CAST: variants seen among roughly 807,000 people sequenced by gnomAD.
CAST encodes calpastatin.
CAST carries 76 observed loss-of-function variants against 119.6 expected under a neutral mutation model. The observed-to-expected ratio is 0.64, with a 90% confidence interval of 0.53 to 0.77. CAST has a LOEUF of 0.77. CAST is among the 30% of genes least tolerant of loss of function. The probability of loss-of-function intolerance (pLI) is 0.00; values close to 1 mark genes in which losing one functional copy is unlikely to be tolerated. For synonymous variants in CAST, 319 were observed against 331.6 expected (o/e 0.96, Z 0.41); for missense variants, 953 against 946.5 (o/e 1.01, Z -0.09).
At position 96,746,398 on chromosome 5, in the gene CAST, A is replaced by G. The variant is rs746007523; in HGVS notation, c.1257A>G (p.Pro419=). The change falls in exon 17 of 32, where the codon CCA becomes CCG. Residue 419 remains proline, a synonymous_variant. Transcript: ENST00000675179. ...GTGGTGAGGATGATGAAACAATCCC[A>G]TCTGAGTACAGATTAAAACCAGCCA... The part of the protein sequence containing the change: ...EKCGEDDETI[P]SEYRLKPATD... 3 of 1,610,398 alleles carry G rather than the reference A, an allele frequency of 1.9e-6. No homozygotes were observed. Among genetic ancestry groups the G allele is most frequent in the South Asian group, 1.1e-5 (1 of 91,030 alleles).
chr5:96,755,879 T>A (rs563469315), intron 22 of CAST, among the ~76,000 whole-genome samples: 1 of 152,230 alleles, frequency 6.6e-6, no homozygotes, highest in East Asian at 1.9e-4. Context: ...AAGGGCCACA[T>A]GTTCTGTCTC....
the CAST span, among the ~76,000 whole-genome samples, chr5:96,008,710 T>C: frequency 2.6e-5 from 4 of 152,180 alleles, no homozygotes; most frequent in East Asian, 1.9e-4. Flanking sequence ...CAATGAGAGA[T>C]TGGACCAAAT....
intron 1 of CAST, among the ~76,000 whole-genome samples, chr5:96,644,956 A>G (rs1747997286): frequency 6.6e-6 from 1 of 152,242 alleles, no homozygotes; most frequent in Admixed American, 6.5e-5. Context: ...AGCCTGGGTG[A>G]CAGAGTGAGA....
chr5:96,246,948 A>C, the CAST span, among the ~76,000 whole-genome samples: 2 of 152,262 alleles, frequency 1.3e-5, no homozygotes, highest in Non-Finnish European at 2.9e-5. Context: ...CATAGCAAGC[A>C]TTAAACATTT....
the CAST span, among the ~76,000 whole-genome samples, chr5:96,033,681 C>T: frequency 2.6e-5 from 4 of 152,056 alleles, no homozygotes; most frequent in Non-Finnish European, 5.9e-5. Flanking sequence ...CATAAGACCT[C>T]AAACTATGAA....
the CAST span, among the ~76,000 whole-genome samples, chr5:96,446,810 TG>T: frequency 5.3e-5 from 8 of 152,166 alleles, no homozygotes; most frequent in East Asian, 1.9e-4. Context: ...AAATGTTGCC[TG>T]GGCTAGAAAA....
chr5:96,247,560 T>C, the CAST span, among the ~76,000 whole-genome samples: 1 of 152,232 alleles, frequency 6.6e-6, no homozygotes, highest in Non-Finnish European at 1.5e-5. Flanking sequence ...ACTGCCCAGC[T>C]GGAATGGGGA....
chr5:96,529,821 G>A (rs1745658944), exon 1 of CAST: 1 of 439,230 alleles, frequency 2.3e-6, no homozygotes, highest in Admixed American at 2.4e-5. Flanking sequence ...GCCACCCTGT[G>A]GAGAGGTGCC....
chr5:96,363,736 C>A, the CAST span, among the ~76,000 whole-genome samples: 6 of 152,220 alleles, frequency 3.9e-5, no homozygotes, highest in African/African-American at 1.4e-4. Flanking sequence ...AGGTTTTGGG[C>A]TAAGACGGTG....
At chr5:96,481,224 T>C in the CAST span, among the ~76,000 whole-genome samples, 1 of 152,088 alleles carries the variant, frequency 6.6e-6, no homozygotes, top group Non-Finnish European at 1.5e-5. Context: ...TGTGTCACAC[T>C]GCACAGCTGC....
the CAST span, among the ~76,000 whole-genome samples, chr5:96,425,518 G>A: frequency 2.0e-5 from 3 of 152,056 alleles, no homozygotes; most frequent in African/African-American, 7.2e-5. Flanking sequence ...CACAAGTACT[G>A]TTTTTGGAAA....
intron 9 of CAST, 43 bp downstream of exon 9, chr5:96,730,903 C>G (rs1335284868): frequency 7.1e-7 from 1 of 1,416,258 alleles, no homozygotes; most frequent in Non-Finnish European, 1.0e-6. Context: ...CTCTGTGCTT[C>G]TCAAGTTTCT....
chr5:96,439,679 T>G, the CAST span, among the ~76,000 whole-genome samples: 1 of 152,162 alleles, frequency 6.6e-6, no homozygotes, highest in Non-Finnish European at 1.5e-5. Context: ...CCGAACCAAC[T>G]GTAAGAAATT....
the CAST span, among the ~76,000 whole-genome samples, chr5:96,326,959 C>T: frequency 3.9e-5 from 6 of 152,196 alleles, no homozygotes; most frequent in South Asian, 8.3e-4. Flanking sequence ...TTCTCTGGAA[C>T]GGTTGAAGGG....
the CAST span, among the ~76,000 whole-genome samples, chr5:96,305,569 A>C: frequency 6.6e-6 from 1 of 152,222 alleles, no homozygotes; most frequent in Non-Finnish European, 1.5e-5. Context: ...TTGCCCATTC[A>C]GTATAATATT....
chr5:96,376,432 T>G, the CAST span, among the ~76,000 whole-genome samples: 1 of 151,396 alleles, frequency 6.6e-6, no homozygotes, highest in Non-Finnish European at 1.5e-5. Flanking sequence ...AAAAAAATTA[T>G]TTCTATTTTT....
At chr5:96,695,594 A>C (rs2150304182) in intron 2 of CAST, among the ~76,000 whole-genome samples, 1 of 152,330 alleles carries the variant, frequency 6.6e-6, no homozygotes, top group East Asian at 1.9e-4. Context: ...TGAGTTTTGC[A>C]GTTCTCCAAA....
chr5:96,536,082 G>A (rs1474188990), intron 1 of CAST, among the ~76,000 whole-genome samples: 1 of 145,250 alleles, frequency 6.9e-6, no homozygotes, highest in Non-Finnish European at 1.5e-5. Context: ...GGAGGGCTGG[G>A]TGCAGTGGCT....
chr5:96,465,602 G>C, the CAST span, among the ~76,000 whole-genome samples: 1 of 152,064 alleles, frequency 6.6e-6, no homozygotes, highest in Non-Finnish European at 1.5e-5. Flanking sequence ...AATTTGTAAG[G>C]ATCAAGTCAG....
Sources: gnomAD v4.1 joint callset for allele counts (sites outside exome capture counted in the v4.1 genomes callset) on GRCh38, gnomAD v4.1.1 for gene constraint, MANE v1.5 for transcripts, NCBI Gene and HGNC (gene_info 2026-07-23, HGNC 2026-07-21) for gene names.